The following PRKCQ variants were observed in gnomAD, a reference collection of about 807,000 sequenced individuals.
PRKCQ encodes protein kinase C theta type.
A neutral mutation model predicts 91.2 loss-of-function variants in PRKCQ; 41 were observed. The observed-to-expected ratio is 0.45, with a 90% CI of 0.35 to 0.58. The LOEUF (loss-of-function observed/expected upper bound fraction) is 0.58. PRKCQ is among the 20% of genes least tolerant of loss of function. The pLI is 0.00. For synonymous variants in PRKCQ, 307 were observed against 316.9 expected (o/e 0.97, Z 0.33); for missense variants, 673 against 896.5 (o/e 0.75, Z 3.18).
At chr10:6,557,871 C>G in intron 1 of PRKCQ, among the ~76,000 whole-genome samples, 1 of 152,054 alleles carries the variant, frequency 6.6e-6, no homozygotes, top group South Asian at 2.1e-4. Flanking sequence ...GCTGAGTTCT[C>G]CTTCATCTTC....
chr10:6,465,030 G>A lies in PRKCQ; in HGVS notation c.1354-626C>T, dbSNP rs1339140125. On this transcript the variant is annotated intron_variant, in intron 12 of 17. Coordinates refer to ENST00000263125, the MANE Select transcript of PRKCQ (RefSeq NM_006257.5). This position sits in a 1 kb window ranked among gnomAD's most constrained non-coding sequence, Gnocchi z 4.4. Reference sequence around the variant, plus strand: ...TGGCCAGACAATGGGATGGTGCCAGGCACTTAGGGCACTTAGCATGTGCCG... The same window carrying A: ...TGGCCAGACAATGGGATGGTGCCAGACACTTAGGGCACTTAGCATGTGCCG... Among the ~76,000 whole-genome samples, 1 of 152,094 alleles carries A rather than the reference G, an allele frequency of 6.6e-6. No individual in the cohort carries two copies. Among genetic ancestry groups the A allele is most frequent in the Non-Finnish European group, 1.5e-5 (1 of 68,030 alleles).
intron 7 of PRKCQ, among the ~76,000 whole-genome samples, chr10:6,496,510 G>A (rs940178508): frequency 4.0e-5 from 6 of 151,894 alleles, no homozygotes; most frequent in African/African-American, 1.5e-4. Flanking sequence ...CTCTTTTACT[G>A]TCACTTCTAG....
intron 4 of PRKCQ, among the ~76,000 whole-genome samples, chr10:6,500,929 G>A (rs1377574516): frequency 6.6e-6 from 1 of 152,070 alleles, no homozygotes; most frequent in East Asian, 1.9e-4. Flanking sequence ...AATATATGAT[G>A]GTGTGGAATA....
intron 1 of PRKCQ, among the ~76,000 whole-genome samples, chr10:6,530,706 C>CA (rs1212712646): frequency 2.6e-5 from 4 of 152,206 alleles, no homozygotes; most frequent in Admixed American, 2.6e-4. Flanking sequence ...GAAACGTCGC[C>CA]AGCTTACAAA....
Position 6,430,673 on chromosome 10 carries a change from C to T in PRKCQ, c.1965+137G>A, listed in dbSNP as rs137888850. On this transcript the variant is annotated intron_variant, in intron 17 of 17. Transcript: ENST00000263125. The surrounding 1 kb of genome is among the most constrained non-coding windows in gnomAD (Gnocchi z 4.7). ...CCCAGTAACATGTGTTAGAGACGTG[C>T]ATTCCTCCTGGAGAGTGGGGCTGGT... is the stretch of plus-strand genomic sequence containing the variant. 1,954 of 1,285,496 alleles carry T rather than the reference C, an allele frequency of 1.5e-3. 30 individuals carry two copies. The African/African-American group carries it at 0.026, about 17-fold the overall frequency. 79.6% of individuals were successfully genotyped at this position (1,285,496 alleles called of 1,614,324 possible).
chr10:6,564,175 T>A (rs55926002), intron 1 of PRKCQ, among the ~76,000 whole-genome samples: 2 of 152,100 alleles, frequency 1.3e-5, no homozygotes, highest in African/African-American at 4.8e-5. Context: ...GCAGGTGATA[T>A]GGAGTAACCA....
At chr10:6,558,904 A>C (rs1353872196) in intron 1 of PRKCQ, among the ~76,000 whole-genome samples, 1 of 152,140 alleles carries the variant, frequency 6.6e-6, no homozygotes, top group Admixed American at 6.5e-5. Flanking sequence ...TTCTCCGGTG[A>C]GACATTTAGA....
At chr10:6,476,648 A>C (rs1459251396) in intron 12 of PRKCQ, among the ~76,000 whole-genome samples, 1 of 152,186 alleles carries the variant, frequency 6.6e-6, no homozygotes, top group East Asian at 1.9e-4. Context: ...TTATTCAATA[A>C]ATCTGTCATT....
chr10:6,460,803 T>C (rs973810321), intron 14 of PRKCQ, among the ~76,000 whole-genome samples: 3 of 111,958 alleles, frequency 2.7e-5, no homozygotes, highest in Non-Finnish European at 4.2e-5. Context: ...CTTTCATTTA[T>C]TTATCTCCCC....
intron 15 of PRKCQ, among the ~76,000 whole-genome samples, chr10:6,448,588 T>C (rs1044273572): frequency 2.6e-4 from 40 of 152,180 alleles, no homozygotes; most frequent in Middle Eastern, 6.8e-3. Flanking sequence ...TTTTATATTT[T>C]AGTAGAGACG....
chr10:6,522,919 G>C (rs1027014157), intron 1 of PRKCQ, among the ~76,000 whole-genome samples: 3 of 152,106 alleles, frequency 2.0e-5, no homozygotes, highest in South Asian at 2.1e-4. Context: ...TACACCAATA[G>C]CTTTTGCATT....
chr10:6,441,270 G>A (rs1439474992), intron 16 of PRKCQ, among the ~76,000 whole-genome samples: 1 of 152,028 alleles, frequency 6.6e-6, no homozygotes, highest in African/African-American at 2.4e-5. Context: ...AGCCTTCTGA[G>A]TAGCTGGGAT....
At chr10:6,428,989 A>T (rs1789512119) in intron 17 of PRKCQ, among the ~76,000 whole-genome samples, 1 of 152,230 alleles carries the variant, frequency 6.6e-6, no homozygotes, top group Admixed American at 6.5e-5. Context: ...AGAAAGGGAA[A>T]GCAAACATCT....
intron 15 of PRKCQ, among the ~76,000 whole-genome samples, chr10:6,446,763 T>C (rs1254484041): frequency 6.6e-6 from 1 of 152,232 alleles, no homozygotes; most frequent in African/African-American, 2.4e-5. Context: ...TGATCTCTTC[T>C]TGTGTTCTGC....
intron 1 of PRKCQ, among the ~76,000 whole-genome samples, chr10:6,542,167 A>C (rs1839800365): frequency 3.3e-5 from 5 of 152,224 alleles, no homozygotes; most frequent in Admixed American, 3.3e-4. Context: ...AAACATGGGG[A>C]AACTGCTTAC....
At position 6,430,976 on chromosome 10, in the gene PRKCQ, G is replaced by A; in HGVS notation, c.1837-38C>T. The A allele has an allele frequency of 1.3e-6, 2 of 1,599,616 alleles. No homozygotes were observed. The highest frequency in any genetic ancestry group is 1.7e-6 in the Non-Finnish European group (2 of 1,172,706). On this transcript the variant is annotated intron_variant, in intron 16 of 17. Transcript: ENST00000263125. The surrounding 1 kb of genome is among the most constrained non-coding windows in gnomAD (Gnocchi z 4.7). ...AGAGCAGGAGCCCTGAGGTCTCCAG[G>A]GATGACCCTTTTGCATCAGGAGGTC...
chr10:6,577,979 T>C (rs941220674), intron 1 of PRKCQ, among the ~76,000 whole-genome samples: 1 of 152,196 alleles, frequency 6.6e-6, no homozygotes, highest in African/African-American at 2.4e-5. Context: ...ATCTAATTCA[T>C]TGCAGAGAAG....
intron 7 of PRKCQ, among the ~76,000 whole-genome samples, chr10:6,492,380 C>T (rs1215386598): frequency 1.3e-5 from 2 of 152,094 alleles, no homozygotes; most frequent in African/African-American, 4.8e-5. Context: ...CTGCCAGGTG[C>T]GGTTAACAAA....
intron 1 of PRKCQ, among the ~76,000 whole-genome samples, chr10:6,578,152 G>C (rs955777483): frequency 6.6e-6 from 1 of 152,218 alleles, no homozygotes; most frequent in Admixed American, 6.5e-5. Context: ...TACAGAAGGA[G>C]CTGAGGTGTG....
Sources: allele counts gnomAD v4.1 joint callset (sites outside exome capture counted in the v4.1 genomes callset), GRCh38; gene constraint gnomAD v4.1.1; non-coding constraint Gnocchi (gnomAD v3.1); transcripts MANE v1.5; gene names NCBI Gene and HGNC (gene_info 2026-07-23, HGNC 2026-07-21).